The following AKNA variants were observed in gnomAD, a reference collection of about 807,000 sequenced individuals.
AKNA encodes AT-hook transcription factor.
A neutral mutation model predicts 138.8 loss-of-function variants in AKNA; 67 were observed. That is an observed-to-expected ratio of 0.48 (90% CI 0.40 to 0.59). The LOEUF (loss-of-function observed/expected upper bound fraction) is 0.59. Among genes scored for constraint, AKNA ranks in the 20% least tolerant of loss-of-function variants. The pLI, the probability that AKNA is intolerant of heterozygous loss-of-function variation, is 0.00. For missense variants in AKNA, 1,813 were observed against 1,880.4 expected (o/e 0.96, Z 0.66); for synonymous variants, 737 against 754.4 (o/e 0.98, Z 0.38).
chr9:114,331,892 T>C, downstream of AKNA: 1 of 1,613,872 alleles, frequency 6.2e-7, no homozygotes, highest in South Asian at 1.1e-5. Context: ...TGCTTGTGCA[T>C]TCCCAGGTCA....
In AKNA at chr9:114,336,617, TG is replaced by T. The variant is rs1830008025; in HGVS notation, c.*436del. 6.1e-6 allele frequency: 1 copy of T among 163,006 alleles called. No homozygotes were observed. Among genetic ancestry groups the T allele is most frequent in the South Asian group, 2.0e-4 (1 of 4,926 alleles). The allele number at this position is 163,006 out of a possible 1,614,324, so 10.1% of individuals were successfully genotyped here. The stretch of plus-strand genomic sequence containing the variant: ...TTGCCCCAGAGTGACTGGTCACAGG[TG>T]GGGGACAGGTTTGCTCCAGAAACCG... On this transcript the variant is annotated 3_prime_UTR_variant, in exon 22 of 22. Transcript: ENST00000374088.
chr9:114,380,981 C>CAAAAAAAAAAAAAAAAAAAAAAA lies in AKNA; in HGVS notation c.274+78_274+79insTTTTTTTTTTTTTTTTTTTTTTT, dbSNP rs34055519. ...CTGGCAATGAAGCAAGACTCTGTCT[C>CAAAAAAAAAAAAAAAAAAAAAAA]AAAAAAAAAAAAAAAAAAAAGAACG... On this transcript the variant is annotated intron_variant, in intron 2 of 21. Transcript: ENST00000374088. 3.3e-5 allele frequency: 37 copies of CAAAAAAAAAAAAAAAAAAAAAAA among 1,110,520 alleles called. 1 individual carries two copies. In the African/African-American group the frequency reaches 8.4e-4, roughly 25 times the overall value. 68.8% of individuals were successfully genotyped at this position (1,110,520 alleles called of 1,614,324 possible).
At position 114,381,153 on chromosome 9, in the gene AKNA, G is replaced by A. The variant is rs1162316191; in HGVS notation, c.181C>T (p.Leu61=). ...TSPELLEDFR[L]AQQHLPPLEW... is the part of the protein sequence containing the mutation. ...AGGGGCGGCAGGTGCTGCTGGGCCA[G>A]GCGGAAGTCCTCTAGGAGCTCGGGG... is the stretch of plus-strand genomic sequence containing the variant. The change falls in exon 2 of 22, where the codon CTG becomes TTG. Residue 61 remains leucine (L), a synonymous_variant. Transcript: ENST00000374088. 1.2e-6 allele frequency: 2 copies of A among 1,613,554 alleles called. No individual in the cohort carries two copies. Among genetic ancestry groups the A allele is most frequent in the Admixed American group, 3.3e-5 (2 of 59,998 alleles).
chr9:114,356,945 T>A lies in AKNA; in HGVS notation c.2764A>T (p.Thr922Ser), dbSNP rs765690813. 6.3e-7 allele frequency: 1 copy of A among 1,582,184 alleles called. No homozygotes were observed. Among genetic ancestry groups the A allele is most frequent in the South Asian group, 1.2e-5 (1 of 86,500 alleles). ...LEETWMASPE[T>S]DSGFVGSETS... ...TCTGAGCCCACAAAGCCACTGTCTG[T>A]CTCTGGGGACGCCATCCAGGTCTCC... The change falls in exon 13 of 22, where the codon ACA (threonine) becomes TCA (serine). Residue 922 changes from threonine to serine, a missense_variant. Transcript: ENST00000374088.
chr9:114,368,697 T>C (rs751660839), intron 4 of AKNA, 102 bp from the exon 5 acceptor site: 31 of 1,021,434 alleles, frequency 3.0e-5, no homozygotes, highest in Non-Finnish European at 3.8e-5. Flanking sequence ...TGCCCTGTAG[T>C]AATAAATACC....
chr9:114,391,337 A>T (rs981331698), upstream of AKNA, among the ~76,000 whole-genome samples: 28 of 152,340 alleles, frequency 1.8e-4, no homozygotes, highest in African/African-American at 6.7e-4. Flanking sequence ...CACAAAGCCA[A>T]TGTTCCAATT....
At position 114,356,073 on chromosome 9, in the gene AKNA, G is replaced by C; in HGVS notation, c.2910C>G (p.Pro970=). 1.2e-6 allele frequency: 2 copies of C among 1,614,146 alleles called. No homozygotes were observed. The highest frequency in any genetic ancestry group is 1.7e-6 in the Non-Finnish European group (2 of 1,180,028). The change falls in exon 14 of 22, where the codon CCC becomes CCG. Residue 970 remains proline, a synonymous_variant. Transcript: ENST00000374088. ...TGGGAATCAGAGAACCCCTGGCCTT[G>C]GGGTAGGAAGCTCCATCCCTGGGCA... is the stretch of plus-strand genomic sequence containing the variant. ...ASVPRDGASY[P]KARGSLIPRR...
upstream of AKNA, among the ~76,000 whole-genome samples, chr9:114,394,720 G>A (rs1006972618): frequency 6.6e-6 from 1 of 152,204 alleles, no homozygotes; most frequent in African/African-American, 2.4e-5. Flanking sequence ...TACACAACTT[G>A]CCCAAAGTCA....
rs1330058751 is a variant in AKNA at position 114,359,928 on chromosome 9, C to T, written c.2259G>A (p.Gln753=). 1 of 1,614,232 alleles carries T rather than the reference C, an allele frequency of 6.2e-7. No homozygotes were observed. Among genetic ancestry groups the T allele is most frequent in the Non-Finnish European group, 8.5e-7 (1 of 1,180,028 alleles). ...TGAGGCCATGGTAAACTTGCTCCATCTGCAGCTCCTTGTGCCTGAGTCGGG... is the reference window on the plus strand; with the variant it reads ...TGAGGCCATGGTAAACTTGCTCCATTTGCAGCTCCTTGTGCCTGAGTCGGG... The part of the protein sequence containing the change: ...PLARLRHKEL[Q]MEQVYHGLME... Residue 753 remains glutamine, a synonymous_variant, in exon 10 of 22, where the codon CAG becomes CAA. Transcript: ENST00000374088.
chr9:114,330,990 T>G, downstream of AKNA: 7 of 706,002 alleles, frequency 9.9e-6, no homozygotes, highest in South Asian at 1.8e-5. Flanking sequence ...TTTTGAGCTC[T>G]TACCACGTGC....
upstream of AKNA, among the ~76,000 whole-genome samples, chr9:114,395,031 C>G (rs1054984549): frequency 1.3e-5 from 2 of 152,112 alleles, no homozygotes; most frequent in Non-Finnish European, 1.5e-5. Context: ...AGGTCTCACT[C>G]GGCAATGGAG....
At chr9:114,394,871 A>G (rs1378960983), upstream of AKNA, among the ~76,000 whole-genome samples, 1 of 152,178 alleles carries the variant, frequency 6.6e-6, no homozygotes, top group East Asian at 1.9e-4. Context: ...TGTGGTCCCA[A>G]GACCCCGAGG....
intron 21 of AKNA, among the ~76,000 whole-genome samples, chr9:114,338,146 T>C (rs539846350): frequency 7.9e-5 from 12 of 152,324 alleles, no homozygotes; most frequent in African/African-American, 2.4e-4. Context: ...GAGTCATTCA[T>C]TGGCATCTTG....
intron 18 of AKNA, 60 bp downstream of exon 18, chr9:114,345,803 C>A (rs1001309868): frequency 1.3e-6 from 2 of 1,536,948 alleles, no homozygotes; most frequent in African/African-American, 1.4e-5. Context: ...CTTCTCATAA[C>A]AGAGGAGCCC....
intron 8 of AKNA, 118 bp downstream of exon 8, chr9:114,362,288 G>C: frequency 7.2e-7 from 1 of 1,396,258 alleles, no homozygotes; most frequent in Non-Finnish European, 9.5e-7. Context: ...ATTAGGATAA[G>C]ATTTCTCTCT....
downstream of AKNA, chr9:114,331,678 G>A (rs376454821): frequency 6.2e-7 from 1 of 1,611,272 alleles, no homozygotes; most frequent in Non-Finnish European, 8.5e-7. Context: ...TTCTATGGTA[G>A]GCATGCTTAG....
At chr9:114,393,838 AAGAG>A (rs776161922) in intron 1 of AKNA, among the ~76,000 whole-genome samples, 27 of 152,090 alleles carry the variant, frequency 1.8e-4, no homozygotes, top group Non-Finnish European at 2.8e-4. Flanking sequence ...AGGAAAAAGA[AAGAG>A]AGAGAAAGCA....
At position 114,368,031 on chromosome 9, in the gene AKNA, G is replaced by A. The variant is rs566067996; in HGVS notation, c.1574-334C>T. On this transcript the variant is annotated intron_variant, in intron 5 of 21. Coordinates refer to ENST00000374088, the MANE Select transcript of AKNA (RefSeq NM_001317950.2). ...CCTCCATAGCTGTATGAACTTCAGCGTGTCCTCACCTCTCCAATTGGTCCC... is the reference window on the plus strand; with the variant it reads ...CCTCCATAGCTGTATGAACTTCAGCATGTCCTCACCTCTCCAATTGGTCCC... Among the ~76,000 whole-genome samples the A allele has an allele frequency of 1.8e-3, 271 of 152,360 alleles. 1 individual carries two copies. The highest frequency in any genetic ancestry group is 5.2e-3 in the South Asian group (25 of 4,834).
At chr9:114,346,181 G>A (rs537372268) in intron 17 of AKNA, among the ~76,000 whole-genome samples, 172 bp from the exon 18 acceptor site, 4 of 152,258 alleles carry the variant, frequency 2.6e-5, no homozygotes, top group East Asian at 1.9e-4. Context: ...CGTGCCAAGC[G>A]CTAGTCTAGA....
Sources: allele counts gnomAD v4.1 joint callset (sites outside exome capture counted in the v4.1 genomes callset), GRCh38; gene constraint gnomAD v4.1.1; transcripts MANE v1.5; gene names NCBI Gene and HGNC (gene_info 2026-07-23, HGNC 2026-07-21).